ZNF664: variants seen among roughly 807,000 people sequenced by gnomAD.
ZNF664 encodes zinc finger Organ of Corti 1.
A neutral mutation model predicts 18.2 loss-of-function variants in ZNF664; 10 were observed. The ratio of observed to expected loss-of-function variants is 0.55; its 90% CI spans 0.34 to 0.93. The LOEUF (loss-of-function observed/expected upper bound fraction) is 0.93, where lower values mean the gene tolerates loss of function less well. Ranked by LOEUF, ZNF664 falls within the 40% of genes least tolerant of loss-of-function variation. The probability of loss-of-function intolerance (pLI) is 0.02; values close to 1 mark genes in which losing one functional copy is unlikely to be tolerated. For missense variants in ZNF664, 193 were observed against 319.0 expected, an observed-to-expected ratio of 0.61 and a Z score of 3.01; for synonymous variants, 119 against 104.2, an observed-to-expected ratio of 1.14 and a Z score of -0.86.
intron 1 of ZNF664, 113 bp from the exon 2 acceptor site, chr12:123,973,773 C>G: frequency 8.1e-7 from 1 of 1,227,798 alleles, no homozygotes; most frequent in Non-Finnish European, 1.0e-6. Context: ...GGAGCCGCGT[C>G]TTGGAGCCCT....
chr12:123,988,596 C>G (rs1484536188), intron 3 of ZNF664, among the ~76,000 whole-genome samples: 1 of 151,588 alleles, frequency 6.6e-6, no homozygotes, highest in East Asian at 1.9e-4. Context: ...TTTTTTTTCC[C>G]CAACGTCTGA....
At chr12:124,008,549 T>G (rs1957099323) in intron 3 of ZNF664, among the ~76,000 whole-genome samples, 2 of 152,208 alleles carry the variant, frequency 1.3e-5, no homozygotes, top group South Asian at 4.1e-4. Flanking sequence ...TTCTTTGTCT[T>G]GAAAGAGAGT....
intron 3 of ZNF664, chr12:124,003,462 A>G (rs574755795): frequency 6.7e-6 from 1 of 149,494 alleles, no homozygotes; most frequent in African/African-American, 2.5e-5. Context: ...CAGTGGCACG[A>G]TCTCAGCTCA....
Position 124,012,103 on chromosome 12 carries a change from A to C in ZNF664, c.-42A>C, listed in dbSNP as rs759422095. The C allele has an allele frequency of 7.0e-6, 11 of 1,565,848 alleles. No individual in the cohort carries two copies. Among genetic ancestry groups the C allele is most frequent in the Non-Finnish European group, 5.2e-6 (6 of 1,163,556 alleles). ...ACAGTCTTGTAACTGTAGTAATCAT[A>C]AGGAAATTTTCTCCTTGAAATCACG... On this transcript the variant is annotated 5_prime_UTR_variant, in exon 5 of 5. Transcript: ENST00000337815.
intron 3 of ZNF664, among the ~76,000 whole-genome samples, chr12:123,998,962 CAT>C (rs1229505197): frequency 1.3e-5 from 2 of 152,172 alleles, no homozygotes; most frequent in African/African-American, 2.4e-5. Context: ...AAATAATCAA[CAT>C]GTGTTAGAGG....
chr12:123,984,204 G>A (rs1956798755), intron 2 of ZNF664, among the ~76,000 whole-genome samples: 1 of 152,198 alleles, frequency 6.6e-6, no homozygotes, highest in Non-Finnish European at 1.5e-5. Context: ...GTTTACAAGA[G>A]CTTGCCCGGC....
chr12:123,973,733 A>C, intron 1 of ZNF664, 153 bp from the exon 2 acceptor site: 56 of 1,142,982 alleles, frequency 4.9e-5, no homozygotes, highest in Non-Finnish European at 4.7e-5. Context: ...AGCCGAGGGA[A>C]GGGGGAGCGC....
chr12:124,002,203 G>A (rs1957020305), intron 3 of ZNF664, among the ~76,000 whole-genome samples: 1 of 152,164 alleles, frequency 6.6e-6, no homozygotes, highest in South Asian at 2.1e-4. Flanking sequence ...GAAGAAACTG[G>A]GCAGGGGGCT....
At chr12:124,000,652 C>T (rs575398150) in intron 3 of ZNF664, among the ~76,000 whole-genome samples, 38 of 152,334 alleles carry the variant, frequency 2.5e-4, no homozygotes, top group South Asian at 1.9e-3. Context: ...GAAATTCCCT[C>T]GTGCATCTTT....
At chr12:123,993,075 G>T (rs1402801482) in intron 3 of ZNF664, among the ~76,000 whole-genome samples, 1 of 152,202 alleles carries the variant, frequency 6.6e-6, no homozygotes, top group Non-Finnish European at 1.5e-5. Flanking sequence ...AGTGTGAGAA[G>T]TTGAGTAGCT....
intron 3 of ZNF664, among the ~76,000 whole-genome samples, chr12:124,010,284 G>A (rs1336619283): frequency 6.6e-6 from 1 of 152,118 alleles, no homozygotes; most frequent in East Asian, 1.9e-4. Flanking sequence ...AAACACCCAT[G>A]CATGTTCTCT....
rs777617805 is a variant in ZNF664 at position 124,014,776 on chromosome 12, C to T, written c.*1846C>T. Reference sequence around the variant, plus strand: ...TTTTTGTATAACTAAAACCTCAGCGCATAAAGGAGATTTAAAAGGAGCACA... The same window carrying T: ...TTTTTGTATAACTAAAACCTCAGCGTATAAAGGAGATTTAAAAGGAGCACA... On this transcript the variant is annotated 3_prime_UTR_variant, in exon 5 of 5. Coordinates refer to ENST00000337815, the MANE Select transcript of ZNF664 (RefSeq NM_152437.3). 1 of 166,386 alleles carries T rather than the reference C, an allele frequency of 6.0e-6. No homozygotes were observed. The highest frequency in any genetic ancestry group is 2.4e-5 in the African/African-American group (1 of 41,388). The allele number at this position is 166,386 out of a possible 1,614,324, so 10.3% of individuals were successfully genotyped here.
In ZNF664 at chr12:124,013,035, C is replaced by A. The variant is rs1957151201; in HGVS notation, c.*105C>A. On this transcript the variant is annotated 3_prime_UTR_variant, in exon 5 of 5. Coordinates refer to ENST00000337815, the MANE Select transcript of ZNF664 (RefSeq NM_152437.3). ...CAAGAAATATTTACGCAATCCCTAG[C>A]AGAACATTGTTTCTGAGGAGGCATA... 7.4e-7 allele frequency: 1 copy of A among 1,359,790 alleles called. No individual in the cohort carries two copies. The highest frequency in any genetic ancestry group is 9.9e-7 in the Non-Finnish European group (1 of 1,011,302). The allele number at this position is 1,359,790 out of a possible 1,614,324, so 84.2% of individuals were successfully genotyped here.
intron 3 of ZNF664, among the ~76,000 whole-genome samples, chr12:123,997,050 A>AAGGAAAGGAAAAATAAAGATTTTCTTAC (rs1205533611): frequency 1.5e-4 from 23 of 151,988 alleles, no homozygotes; most frequent in Non-Finnish European, 3.2e-4. Context: ...AACTCTTGTA[A>AAGGAAAGGAAAAATAAAGATTTTCTTAC]AGGAAAGGAA....
intron 2 of ZNF664, 41 bp downstream of exon 2, chr12:123,974,061 C>G: frequency 1.9e-6 from 2 of 1,080,834 alleles, no homozygotes; most frequent in Middle Eastern, 3.4e-4. Flanking sequence ...CTCTGACTCC[C>G]GCCTCCGCAG....
At chr12:123,977,163 T>A (rs1221610813) in intron 2 of ZNF664, among the ~76,000 whole-genome samples, 8 of 152,184 alleles carry the variant, frequency 5.3e-5, no homozygotes, top group Middle Eastern at 3.4e-3. Context: ...GTACTTGGTA[T>A]GCAAAAAGTA....
intron 2 of ZNF664, among the ~76,000 whole-genome samples, chr12:123,975,421 T>TA (rs79980583): frequency 0.011 from 1,526 of 138,652 alleles, 23 homozygotes; most frequent in African/African-American, 0.031. Context: ...TCCTCTTCAT[T>TA]AAAAAAAAAA....
chr12:123,980,520 T>C (rs568122694), intron 2 of ZNF664, among the ~76,000 whole-genome samples: 1 of 152,334 alleles, frequency 6.6e-6, no homozygotes, highest in African/African-American at 2.4e-5. Context: ...TATTGTAGAA[T>C]TATATTTATG....
intron 2 of ZNF664, among the ~76,000 whole-genome samples, chr12:123,977,351 A>G (rs566931438): frequency 1.3e-5 from 2 of 152,200 alleles, no homozygotes; most frequent in South Asian, 4.2e-4. Flanking sequence ...TATGAAAACA[A>G]TAACAAAAAT....
Sources: allele counts gnomAD v4.1 joint callset (sites outside exome capture counted in the v4.1 genomes callset), GRCh38; gene constraint gnomAD v4.1.1; transcripts MANE v1.5; gene names NCBI Gene and HGNC (gene_info 2026-07-23, HGNC 2026-07-21).